Variants in SFMBT2 observed in about 807,000 individuals in gnomAD.
SFMBT2 encodes Scm like with four mbt domains 2, also known as scm-like with four MBT domains protein 2.
Under a neutral mutation model 110.1 loss-of-function variants are expected in SFMBT2, and 38 were observed. The ratio of observed to expected loss-of-function variants is 0.35; its 90% CI spans 0.27 to 0.45. The LOEUF is 0.45. Among genes scored for constraint, SFMBT2 ranks in the 20% least tolerant of loss-of-function variants. The pLI is 1.00. For missense variants in SFMBT2, 1,011 were observed against 1,094.9 expected (o/e 0.92, Z 1.08); for synonymous variants, 425 against 425.4 (o/e 1.00, Z 0.01).
chr10:7,318,948 G>A (rs936848180), intron 4 of SFMBT2, among the ~76,000 whole-genome samples: 2 of 152,142 alleles, frequency 1.3e-5, no homozygotes, highest in African/African-American at 2.4e-5. Flanking sequence ...AGAGAGTGCC[G>A]CCTGTACAAA....
intron 16 of SFMBT2, among the ~76,000 whole-genome samples, chr10:7,182,357 A>C (rs1838269033): frequency 6.6e-6 from 1 of 152,134 alleles, no homozygotes; most frequent in Non-Finnish European, 1.5e-5. Context: ...TCTTTATTTT[A>C]CCAAAAGTGA....
At chr10:7,242,118 C>A (rs2131715054) in intron 9 of SFMBT2, among the ~76,000 whole-genome samples, 1 of 152,258 alleles carries the variant, frequency 6.6e-6, no homozygotes, top group African/African-American at 2.4e-5. Flanking sequence ...ATGGCTAATT[C>A]CACAGCAGCG....
At chr10:7,265,458 C>CTCA (rs781100676) in intron 7 of SFMBT2, among the ~76,000 whole-genome samples, 7 of 152,174 alleles carry the variant, frequency 4.6e-5, no homozygotes, top group Non-Finnish European at 7.3e-5. Context: ...CGCCTGGCCT[C>CTCA]TCAAAGTGCT....
intron 15 of SFMBT2, among the ~76,000 whole-genome samples, chr10:7,194,724 T>A (rs1178861501): frequency 6.6e-6 from 1 of 152,222 alleles, no homozygotes; most frequent in African/African-American, 2.4e-5. Context: ...TACTTTTTTG[T>A]TTTGTTTTGT....
chr10:7,315,062 A>AAGAAAGAAAGAAAGAAAGAG (rs1842963425), intron 4 of SFMBT2, among the ~76,000 whole-genome samples: 1 of 139,870 alleles, frequency 7.1e-6, no homozygotes, highest in African/African-American at 2.6e-5. Context: ...GAAAGAAAGA[A>AAGAAAGAAAGAAAGAAAGAG]AGAAAGAAAG....
intron 4 of SFMBT2, among the ~76,000 whole-genome samples, chr10:7,317,855 T>C (rs1843063714): frequency 6.6e-6 from 1 of 152,160 alleles, no homozygotes; most frequent in African/African-American, 2.4e-5. Context: ...GTGGGCGTCA[T>C]TTGGAAGACA....
chr10:7,253,925 A>T (rs1237264492), intron 7 of SFMBT2, among the ~76,000 whole-genome samples: 1 of 152,174 alleles, frequency 6.6e-6, no homozygotes, highest in Non-Finnish European at 1.5e-5. Flanking sequence ...AAGAATAAAG[A>T]CAAAACAATT....
intron 12 of SFMBT2, chr10:7,203,642 C>T: frequency 5.1e-6 from 5 of 975,408 alleles, no homozygotes; most frequent in Non-Finnish European, 6.1e-6. Flanking sequence ...GGGATTGGAA[C>T]CCCAACCCCA....
Position 7,253,532 on chromosome 10 carries a change from T to G in SFMBT2, c.871-4883A>C, listed in dbSNP as rs1410908082. Among the ~76,000 whole-genome samples, 21 of 152,228 alleles carry G rather than the reference T, an allele frequency of 1.4e-4. 1 individual carries two copies. Among genetic ancestry groups the G allele is most frequent in the Admixed American group, 1.4e-3 (21 of 15,286 alleles). ...AAGTGTTGTGGGTAAAAACAGTTCG[T>G]AAGTTATAGTCAAGACACTTCTTAC... is the stretch of plus-strand genomic sequence containing the variant. On this transcript the variant is annotated intron_variant, in intron 7 of 20. Transcript: ENST00000397167.
chr10:7,315,074 A>AGAGAG (rs1842965146), intron 4 of SFMBT2, among the ~76,000 whole-genome samples: 1 of 143,872 alleles, frequency 7.0e-6, no homozygotes, highest in African/African-American at 2.6e-5. Context: ...GAAAGAAAGA[A>AGAGAG]AGAAAGAAAG....
intron 8 of SFMBT2, chr10:7,246,246 TCTCC>T: frequency 1.3e-6 from 1 of 795,644 alleles, no homozygotes; most frequent in Non-Finnish European, 1.5e-6. Context: ...AAAAATACTT[TCTCC>T]CTCCCCTCAA....
intron 8 of SFMBT2, among the ~76,000 whole-genome samples, chr10:7,244,456 G>A (rs1457810503): frequency 6.6e-6 from 1 of 152,208 alleles, no homozygotes; most frequent in African/African-American, 2.4e-5. Context: ...GGAGAGTGAT[G>A]TCTTTTTGTT....
intron 4 of SFMBT2, among the ~76,000 whole-genome samples, chr10:7,346,161 C>T (rs1422770537): frequency 3.3e-5 from 5 of 152,214 alleles, no homozygotes; most frequent in Admixed American, 3.3e-4. Context: ...TCCTATAATA[C>T]ACACTGTATA....
At position 7,163,625 on chromosome 10, in the gene SFMBT2, A is replaced by G; in HGVS notation, c.*145T>C. ...ATGGAAACAGCTCACAGGCTGGCGG[A>G]GGCAGAAGATCCTGGGCTTCTGGTT... is the stretch of plus-strand genomic sequence containing the variant. On this transcript the variant is annotated 3_prime_UTR_variant, in exon 21 of 21. Transcript: ENST00000397167. This position sits in a 1 kb window ranked among gnomAD's most constrained non-coding sequence, Gnocchi z 4.8. 2.9e-6 allele frequency: 2 copies of G among 688,730 alleles called. No individual in the cohort carries two copies. The allele number at this position is 688,730 out of a possible 1,614,324, so 42.7% of individuals were successfully genotyped here. A position where few individuals can be genotyped will look rare whatever the true frequency, so the allele number is the denominator to read the frequency against.
At chr10:7,317,616 G>A (rs1210555744) in intron 4 of SFMBT2, among the ~76,000 whole-genome samples, 1 of 82,920 alleles carries the variant, frequency 1.2e-5, no homozygotes, top group South Asian at 3.7e-4. Context: ...ACTCGAGCCT[G>A]GGCAACAAGA....
chr10:7,296,161 C>T (rs912048128), intron 4 of SFMBT2, among the ~76,000 whole-genome samples: 1 of 152,226 alleles, frequency 6.6e-6, no homozygotes. Flanking sequence ...TATGGAATCT[C>T]TCATTCTTGC....
intron 12 of SFMBT2, chr10:7,204,893 T>C (rs1162627791): frequency 1.7e-5 from 17 of 984,272 alleles, no homozygotes; most frequent in Non-Finnish European, 2.1e-5. Context: ...AAAAATTTTT[T>C]TTTTGCATGT....
intron 8 of SFMBT2, among the ~76,000 whole-genome samples, chr10:7,245,046 G>C (rs1840563814): frequency 6.6e-6 from 1 of 152,084 alleles, no homozygotes. Context: ...CTGATGCACG[G>C]CGATCTGGCT....
chr10:7,192,924 G>A (rs1453661661), intron 15 of SFMBT2, among the ~76,000 whole-genome samples: 1 of 152,044 alleles, frequency 6.6e-6, no homozygotes, highest in Non-Finnish European at 1.5e-5. Flanking sequence ...GAGTGCCCTG[G>A]TCTCACCAGC....
Sources: gnomAD v4.1 joint callset for allele counts (sites outside exome capture counted in the v4.1 genomes callset) on GRCh38, gnomAD v4.1.1 for gene constraint, Gnocchi (gnomAD v3.1) non-coding constraint, MANE v1.5 for transcripts, NCBI Gene and HGNC (gene_info 2026-07-23, HGNC 2026-07-21) for gene names.